Variants in HLA-DMA observed in about 807,000 individuals in gnomAD.
The protein encoded by HLA-DMA is major histocompatibility complex, class II, DM alpha.
In HLA-DMA, 20 loss-of-function variants were observed where a neutral mutation model predicts 27.3. That is an observed-to-expected ratio of 0.73 (90% CI 0.52 to 1.07). The LOEUF (loss-of-function observed/expected upper bound fraction) is 1.07. Ranked by LOEUF, HLA-DMA falls within the 50% of genes least tolerant of loss-of-function variation. HLA-DMA has a pLI of 0.00. For synonymous variants in HLA-DMA, 111 were observed against 126.8 expected (o/e 0.88, Z 0.83); for missense variants, 241 against 321.7 (o/e 0.75, Z 1.92).
chr6:32,949,542 A>C lies in HLA-DMA; in HGVS notation c.652+69T>G. 2 of 1,595,188 alleles carry C rather than the reference A, an allele frequency of 1.3e-6. No individual in the cohort carries two copies. The highest frequency in any genetic ancestry group is 1.7e-6 in the Non-Finnish European group (2 of 1,166,570). ...CTAAACAAGGTACCAGTGGAGAAAG[A>C]AGCCTCCTCCCATGGATCTATCCCT... On this transcript the variant is annotated intron_variant, in intron 3 of 4. Coordinates refer to ENST00000374843, the MANE Select transcript of HLA-DMA (RefSeq NM_006120.4). The surrounding 1 kb of genome is among the most constrained non-coding windows in gnomAD (Gnocchi z 5.8).
In HLA-DMA at chr6:32,950,220, C is replaced by T; in HGVS notation, c.373+299G>A. On this transcript the variant is annotated intron_variant, in intron 2 of 4. Transcript: ENST00000374843. The surrounding 1 kb of genome is among the most constrained non-coding windows in gnomAD (Gnocchi z 5.0). The stretch of plus-strand genomic sequence containing the variant: ...ATAGTCACGTCATCAGATATTTCCA[C>T]TCTTCCCATCCATCTTGCTGGGCAT... 1 of 591,140 alleles carries T rather than the reference C, an allele frequency of 1.7e-6. No individual in the cohort carries two copies. The highest frequency in any genetic ancestry group is 3.0e-6 in the Non-Finnish European group (1 of 333,412). The allele number at this position is 591,140 out of a possible 1,614,324, so 36.6% of individuals were successfully genotyped here.
At chr6:32,951,316 A>G (rs530070005) in intron 1 of HLA-DMA, among the ~76,000 whole-genome samples, 28 of 152,082 alleles carry the variant, frequency 1.8e-4, no homozygotes, top group African/African-American at 6.7e-4. Flanking sequence ...TGGCAAAAGT[A>G]AAGAGTTCTA....
Position 32,950,116 on chromosome 6 carries a change from C to T in HLA-DMA, c.374-227G>A, listed in dbSNP as rs557493627. 2.7e-5 allele frequency: 16 copies of T among 601,302 alleles called. No individual in the cohort carries two copies. The highest frequency in any genetic ancestry group is 4.1e-5 in the Non-Finnish European group (14 of 340,464). The allele number at this position is 601,302 out of a possible 1,614,324, so 37.2% of individuals were successfully genotyped here. On this transcript the variant is annotated intron_variant, in intron 2 of 4. Transcript: ENST00000374843. This position sits in a 1 kb window ranked among gnomAD's most constrained non-coding sequence, Gnocchi z 5.0. ...GCCAGATCCAGGCTACTCTGGACCC[C>T]TCCACCATGACTTCCTTCAGCACTT...
In HLA-DMA at chr6:32,949,391, T is replaced by G; in HGVS notation, c.661A>C (p.Asn221His). 6.2e-7 allele frequency: 1 copy of G among 1,613,932 alleles called. No individual in the cohort carries two copies. The highest frequency in any genetic ancestry group is 1.1e-5 in the South Asian group (1 of 91,048). The change falls in exon 4 of 5, where the codon AAC becomes CAC. Residue 221 changes from asparagine to histidine, a missense_variant. Asn to His is a moderately conservative substitution (Grantham distance 68). Coordinates refer to ENST00000374843, the MANE Select transcript of HLA-DMA (RefSeq NM_006120.4). This position sits in a 1 kb window ranked among gnomAD's most constrained non-coding sequence, Gnocchi z 5.8. Reference protein sequence around the residue: ...YTAIAYWVPRNALPSDLLENV... With the variant: ...YTAIAYWVPRHALPSDLLENV... The stretch of plus-strand genomic sequence containing the variant: ...TCCAGCAGATCTGAGGGCAGTGCGT[T>G]CCGGGGTACTGGAGGAAATGAGTGG...
chr6:32,952,904 G>A (rs764651251), intron 1 of HLA-DMA, 45 bp downstream of exon 1: 1 of 1,455,584 alleles, frequency 6.9e-7, no homozygotes. Flanking sequence ...AAGCTGAGTG[G>A]GCTCCCTAGG....
intron 1 of HLA-DMA, among the ~76,000 whole-genome samples, chr6:32,951,584 T>C (rs6918372): frequency 0.024 from 3,657 of 151,806 alleles, 65 homozygotes; most frequent in South Asian, 0.039. Flanking sequence ...TGAGCCATGA[T>C]TGTGCCACTG....
Position 32,949,176 on chromosome 6 carries a change from T to C in HLA-DMA, c.781+95A>G, listed in dbSNP as rs550160110. 6.1e-4 allele frequency: 942 copies of C among 1,539,542 alleles called. 1 individual carries two copies. Among genetic ancestry groups the C allele is most frequent in the Non-Finnish European group, 8.0e-4 (897 of 1,122,236 alleles). On this transcript the variant is annotated intron_variant, in intron 4 of 4. Transcript: ENST00000374843. This position sits in a 1 kb window ranked among gnomAD's most constrained non-coding sequence, Gnocchi z 5.8. ...ACCCAAGGGCCTGAGGATCGCTATA[T>C]GTCCCCCCATGCCACAAAATAATCC... is the stretch of plus-strand genomic sequence containing the variant.
Position 32,950,654 on chromosome 6 carries a change from G to A in HLA-DMA, c.238C>T (p.Pro80Ser). 6.2e-7 allele frequency: 1 copy of A among 1,613,070 alleles called. No homozygotes were observed. Among genetic ancestry groups the A allele is most frequent in the Non-Finnish European group, 8.5e-7 (1 of 1,180,044 alleles). ...CAGTCAGCAAATTCGGGCAGGCGAG[G>A]CACCCGAGTGTTCTGGGAAAAGTCG... ...FFDFSQNTRV[P>S]RLPEFADWAQ... The change falls in exon 2 of 5, where the codon CCT (proline) becomes TCT (serine). Residue 80 changes from proline (P) to serine (S), a missense_variant. Pro to Ser is a moderately conservative substitution (Grantham distance 74). Transcript: ENST00000374843. The surrounding 1 kb of genome is among the most constrained non-coding windows in gnomAD (Gnocchi z 5.0).
rs986606822 is a variant in HLA-DMA at position 32,948,739 on chromosome 6, A to G, written c.*125T>C. 6 of 1,176,448 alleles carry G rather than the reference A, an allele frequency of 5.1e-6. No homozygotes were observed. The South Asian group carries it at 7.5e-5, about 15-fold the overall frequency. 72.9% of individuals were successfully genotyped at this position (1,176,448 alleles called of 1,614,324 possible). A position where few individuals can be genotyped will look rare whatever the true frequency, so the allele number is the denominator to read the frequency against. On this transcript the variant is annotated 3_prime_UTR_variant, in exon 5 of 5. Coordinates refer to ENST00000374843, the MANE Select transcript of HLA-DMA (RefSeq NM_006120.4). The stretch of plus-strand genomic sequence containing the variant: ...GAGTCCCCAGGTGGGAAATCTACAC[A>G]CACACCCCAGGGATGTCCCAGAGAC...
rs768697796 is a variant in HLA-DMA, at chr6:32,948,834, C to G, written c.*30G>C. The G allele has an allele frequency of 4.3e-6, 7 of 1,613,732 alleles. No homozygotes were observed. The highest frequency in any genetic ancestry group is 3.4e-6 in the Non-Finnish European group (4 of 1,179,852). Reference sequence around the variant, plus strand: ...GCATCCTCTGTTTGGATGGCCGAAGCTGCTGGCATCAAACTCTGGTCTGGA... The same window carrying G: ...GCATCCTCTGTTTGGATGGCCGAAGGTGCTGGCATCAAACTCTGGTCTGGA... On this transcript the variant is annotated 3_prime_UTR_variant, in exon 5 of 5. Coordinates refer to ENST00000374843, the MANE Select transcript of HLA-DMA (RefSeq NM_006120.4).
At position 32,949,244 on chromosome 6, in the gene HLA-DMA, C is replaced by G. The variant is rs1449280627; in HGVS notation, c.781+27G>C. The stretch of plus-strand genomic sequence containing the variant: ...CACCACTGTATCTGGCTCCCACAGG[C>G]TCACCCGCCCCCTCCAGATGACATA... On this transcript the variant is annotated intron_variant, in intron 4 of 4. Transcript: ENST00000374843. This position sits in a 1 kb window ranked among gnomAD's most constrained non-coding sequence, Gnocchi z 5.8. The G allele has an allele frequency of 1.2e-6, 2 of 1,613,844 alleles. No individual in the cohort carries two copies. Among genetic ancestry groups the G allele is most frequent in the Non-Finnish European group, 1.7e-6 (2 of 1,179,876 alleles).
chr6:32,952,389 T>C (rs1323100744), intron 1 of HLA-DMA: 1 of 471,434 alleles, frequency 2.1e-6, no homozygotes, highest in African/African-American at 2.0e-5. Flanking sequence ...ATGGGAGAAG[T>C]GACCCCATAA....
rs1350492334 is a variant in HLA-DMA, at chr6:32,950,344, T to G, written c.373+175A>C. On this transcript the variant is annotated intron_variant, in intron 2 of 4. Coordinates refer to ENST00000374843, the MANE Select transcript of HLA-DMA (RefSeq NM_006120.4). This position sits in a 1 kb window ranked among gnomAD's most constrained non-coding sequence, Gnocchi z 5.0. ...TGAATGCCTACTACATGCTAGGTAC[T>G]TCGGCCCACCAAAAGAACACAGGGT... is the stretch of plus-strand genomic sequence containing the variant. 7.9e-6 allele frequency: 6 copies of G among 759,192 alleles called. No individual in the cohort carries two copies. In the African/African-American group the frequency reaches 8.7e-5, roughly 11 times the overall value. The allele number at this position is 759,192 out of a possible 1,614,324, so 47.0% of individuals were successfully genotyped here. A position where few individuals can be genotyped will look rare whatever the true frequency, so the allele number is the denominator to read the frequency against.
chr6:32,949,786 C>T lies in HLA-DMA; in HGVS notation c.477G>A (p.Val159=). The change falls in exon 3 of 5, where the codon GTG becomes GTA. Residue 159 remains valine, a synonymous_variant. Transcript: ENST00000374843. The surrounding 1 kb of genome is among the most constrained non-coding windows in gnomAD (Gnocchi z 5.8). Reference sequence around the variant, plus strand: ...CAGGGACGGAATGATGCTGCCAGTTCACTGTCAGCATGGGTGGGAAGAGAT... The same window carrying T: ...CAGGGACGGAATGATGCTGCCAGTTTACTGTCAGCATGGGTGGGAAGAGAT... ...VSNLFPPMLT[V]NWQHHSVPVE... 2 of 1,613,062 alleles carry T rather than the reference C, an allele frequency of 1.2e-6. No homozygotes were observed. Among genetic ancestry groups the T allele is most frequent in the Non-Finnish European group, 1.7e-6 (2 of 1,179,994 alleles).
At chr6:32,951,437 C>T (rs1486008984) in intron 1 of HLA-DMA, among the ~76,000 whole-genome samples, 1 of 149,124 alleles carries the variant, frequency 6.7e-6, no homozygotes, top group African/African-American at 2.5e-5. Context: ...CAAGACCAAC[C>T]TGGGCAACAC....
At chr6:32,951,015 G>A (rs1776874896) in intron 1 of HLA-DMA, among the ~76,000 whole-genome samples, 1 of 152,134 alleles carries the variant, frequency 6.6e-6, no homozygotes, top group Non-Finnish European at 1.5e-5. Context: ...AAGTAGCTGG[G>A]CATGTTGGCA....
Position 32,952,936 on chromosome 6 carries a change from A to T in HLA-DMA, c.88+13T>A. 6.3e-7 allele frequency: 1 copy of T among 1,596,570 alleles called. No individual in the cohort carries two copies. The highest frequency in any genetic ancestry group is 8.6e-7 in the Non-Finnish European group (1 of 1,165,336). On this transcript the variant is annotated intron_variant, in intron 1 of 4. Transcript: ENST00000374843. ...TAGGTTCAGGATGGAAGTAAATAGG[A>T]GTACCATCTTACCTTCAGGGACGGC...
Position 32,949,169 on chromosome 6 carries a change from C to A in HLA-DMA, c.781+102G>T. On this transcript the variant is annotated intron_variant, in intron 4 of 4. Transcript: ENST00000374843. The surrounding 1 kb of genome is among the most constrained non-coding windows in gnomAD (Gnocchi z 5.8). ...CCCCCACACCCAAGGGCCTGAGGAT[C>A]GCTATATGTCCCCCCATGCCACAAA... 6.7e-7 allele frequency: 1 copy of A among 1,494,850 alleles called. No individual in the cohort carries two copies. The highest frequency in any genetic ancestry group is 9.2e-7 in the Non-Finnish European group (1 of 1,087,710). The allele number at this position is 1,494,850 out of a possible 1,614,324, so 92.6% of individuals were successfully genotyped here.
rs1349309881 is a variant in HLA-DMA at position 32,949,464 on chromosome 6, G to A, written c.653-65C>T. On this transcript the variant is annotated intron_variant, in intron 3 of 4. Coordinates refer to ENST00000374843, the MANE Select transcript of HLA-DMA (RefSeq NM_006120.4). This position sits in a 1 kb window ranked among gnomAD's most constrained non-coding sequence, Gnocchi z 5.8. ...GGAGCCTCCCACCCAGGGAAATGAC[G>A]TGGGTGTCTGGGATGACATGGGAGA... 11 of 1,604,594 alleles carry A rather than the reference G, an allele frequency of 6.9e-6. No homozygotes were observed. In the East Asian group the frequency reaches 8.9e-5, roughly 13 times the overall value.
Sources: allele counts gnomAD v4.1 joint callset (sites outside exome capture counted in the v4.1 genomes callset), GRCh38; gene constraint gnomAD v4.1.1; non-coding constraint Gnocchi (gnomAD v3.1); transcripts MANE v1.5; gene names NCBI Gene and HGNC (gene_info 2026-07-23, HGNC 2026-07-21).